The following DMD variants were observed in gnomAD, a reference collection of about 807,000 sequenced individuals.
The protein encoded by DMD is dystrophin.
Under a neutral mutation model 330.1 loss-of-function variants are expected in DMD, and 63 were observed. The observed-to-expected ratio is 0.19, with a 90% CI of 0.16 to 0.24. DMD has a LOEUF of 0.24. Ranked by LOEUF, DMD falls within the 10% of genes least tolerant of loss-of-function variation. The pLI is 1.00. For missense variants in DMD, 3,344 were observed against 2,684.1 expected (o/e 1.25, Z -5.43); for synonymous variants, 1,223 against 959.8 (o/e 1.27, Z -5.07).
Position 32,794,991 on chromosome X carries a change from C to A in DMD, c.649+14502G>T, listed in dbSNP as rs757971942. Among the ~76,000 whole-genome samples the A allele has an allele frequency of 6.2e-5, 7 of 112,018 alleles. No individual in the cohort carries two copies. In the South Asian group the frequency reaches 2.6e-3, roughly 42 times the overall value. On this transcript the variant is annotated intron_variant, in intron 7 of 78. Coordinates refer to ENST00000357033, the MANE Select transcript of DMD (RefSeq NM_004006.3). ...GTCCGTATAAAATACAGAACACTGA[C>A]AAAACAAATTGAAGAGTACACCAAC... is the stretch of plus-strand genomic sequence containing the variant.
intron 2 of DMD, among the ~76,000 whole-genome samples, chrX:32,857,546 T>C (rs921181840): frequency 8.9e-6 from 1 of 112,356 alleles, no homozygotes; most frequent in Non-Finnish European, 1.9e-5. Flanking sequence ...AATAATCTTA[T>C]GCACTGCAAT....
chrX:31,714,015 T>C (rs1369772642), intron 52 of DMD, among the ~76,000 whole-genome samples: 1 of 111,876 alleles, frequency 8.9e-6, no homozygotes, highest in African/African-American at 3.2e-5. Flanking sequence ...GTAAATTAGA[T>C]CCTTACTAAA....
At chrX:31,547,680 G>C (rs775600566) in intron 55 of DMD, among the ~76,000 whole-genome samples, 2 of 111,955 alleles carry the variant, frequency 1.8e-5, no homozygotes, top group Non-Finnish European at 3.8e-5. Flanking sequence ...GCATGCTGTG[G>C]AAGGATCAGA....
At chrX:33,080,974 TCACACA>T (rs763162216) in intron 1 of DMD, among the ~76,000 whole-genome samples, 37 of 92,714 alleles carry the variant, frequency 4.0e-4, no homozygotes, top group African/African-American at 8.8e-4. Context: ...TTTATAAACA[TCACACA>T]CACACACACA....
At chrX:32,873,695 T>C (rs2083170863) in intron 2 of DMD, among the ~76,000 whole-genome samples, 1 of 112,164 alleles carries the variant, frequency 8.9e-6, no homozygotes, top group Non-Finnish European at 1.9e-5. Context: ...AATGATAACA[T>C]TGTAAAAGCT....
At chrX:31,652,053 T>C (rs1195513388) in intron 54 of DMD, among the ~76,000 whole-genome samples, 2 of 112,197 alleles carry the variant, frequency 1.8e-5, no homozygotes, top group Non-Finnish European at 3.8e-5. Flanking sequence ...CGCTTGATCC[T>C]TTTCTGCCTA....
chrX:33,219,686 T>C (rs1370562269), intron 1 of DMD, among the ~76,000 whole-genome samples: 1 of 111,301 alleles, frequency 9.0e-6, no homozygotes, highest in Non-Finnish European at 1.9e-5. Context: ...TTCCCAACTG[T>C]TTTATGAGGT....
chrX:32,842,814 A>C (rs780735422), intron 4 of DMD, among the ~76,000 whole-genome samples: 1 of 104,583 alleles, frequency 9.6e-6, no homozygotes, highest in Non-Finnish European at 2.0e-5. Flanking sequence ...AATTATTATT[A>C]TTTTTTTTTT....
At chrX:32,539,993 T>G (rs188496546) in intron 17 of DMD, among the ~76,000 whole-genome samples, 27 of 111,791 alleles carry the variant, frequency 2.4e-4, no homozygotes, top group Non-Finnish European at 4.3e-4. Flanking sequence ...TATGAACGCT[T>G]TACTTGGGGG....
At chrX:32,326,666 A>T (rs150979194) in intron 41 of DMD, among the ~76,000 whole-genome samples, 1,867 of 111,755 alleles carry the variant, frequency 0.017, 44 homozygotes, top group African/African-American at 0.056. Flanking sequence ...GCACTTTGGG[A>T]GGCCGAGGCA....
rs1327341602 is a variant in DMD, at chrX:31,627,656, G to A, written c.8217+17C>T. 16 of 1,206,875 alleles carry A rather than the reference G, an allele frequency of 1.3e-5. No homozygotes were observed. The highest frequency in any genetic ancestry group is 5.2e-4 in the Middle Eastern group (2 of 3,856). On this transcript the variant is annotated intron_variant, in intron 55 of 78. Coordinates refer to ENST00000357033, the MANE Select transcript of DMD (RefSeq NM_004006.3). ...ATTGGATCCACAAGAGTGCTAAAGCGGAAATGCCTGACTTACTTGCCATTG... is the reference window on the plus strand; with the variant it reads ...ATTGGATCCACAAGAGTGCTAAAGCAGAAATGCCTGACTTACTTGCCATTG...
At chrX:33,291,342 G>A (rs1027559752) in intron 1 of DMD, among the ~76,000 whole-genome samples, 3 of 110,989 alleles carry the variant, frequency 2.7e-5, no homozygotes, top group Admixed American at 9.7e-5. Context: ...TTGAAAACCC[G>A]CACAAGACAA....
intron 51 of DMD, among the ~76,000 whole-genome samples, chrX:31,757,792 G>A (rs1003070054): frequency 9.1e-6 from 1 of 110,271 alleles, no homozygotes; most frequent in African/African-American, 3.3e-5. Context: ...TCAGACCATA[G>A]CAGCCCCCTT....
rs969701126 is a variant in DMD at position 32,255,563 on chromosome X, A to G, written c.6290+31966T>C. 2.7e-5 allele frequency among the ~76,000 whole-genome samples: 3 copies of G among 112,057 alleles called. No homozygotes were observed. The Admixed American group carries it at 2.9e-4, about 11-fold the overall frequency. ...GCTAACTTCTGTCTTACAAAATTGC[A>G]GTAGCAATTCCTTGGTTTCACATGA... is the stretch of plus-strand genomic sequence containing the variant. On this transcript the variant is annotated intron_variant, in intron 43 of 78. Transcript: ENST00000357033.
intron 62 of DMD, among the ~76,000 whole-genome samples, chrX:31,280,105 C>A (rs147652270): frequency 9.0e-6 from 1 of 111,560 alleles, no homozygotes; most frequent in South Asian, 3.7e-4. Flanking sequence ...TCAGTTAGCA[C>A]CTAGTCAATT....
chrX:31,414,127 C>T (rs2061763415), intron 60 of DMD, among the ~76,000 whole-genome samples: 1 of 111,405 alleles, frequency 9.0e-6, no homozygotes, highest in African/African-American at 3.3e-5. Context: ...AATTCTCCTG[C>T]CTCAGCCTCC....
At chrX:31,784,672 G>C (rs182080750) in intron 50 of DMD, among the ~76,000 whole-genome samples, 1 of 111,101 alleles carries the variant, frequency 9.0e-6, no homozygotes, top group East Asian at 2.8e-4. Flanking sequence ...TAAATATGCA[G>C]TATGATACTC....
At chrX:31,278,756 G>A (rs1235969383) in intron 62 of DMD, among the ~76,000 whole-genome samples, 1 of 111,852 alleles carries the variant, frequency 8.9e-6, no homozygotes, top group Non-Finnish European at 1.9e-5. Flanking sequence ...CAAAGTCCTT[G>A]CTAGTGTGCT....
At chrX:32,699,401 T>C in intron 7 of DMD, 108 bp from the exon 8 acceptor site, 1 of 652,874 alleles carries the variant, frequency 1.5e-6, no homozygotes, top group South Asian at 2.3e-5. Flanking sequence ...TAATGAACAG[T>C]GAATTGTCCA....
Sources: allele counts gnomAD v4.1 joint callset (sites outside exome capture counted in the v4.1 genomes callset), GRCh38; gene constraint gnomAD v4.1.1; transcripts MANE v1.5; gene names NCBI Gene and HGNC (gene_info 2026-07-23, HGNC 2026-07-21).